Variants in MCF2L observed in about 807,000 individuals in gnomAD.
The protein encoded by MCF2L is MCF.2 cell line derived transforming sequence like, also known as guanine nucleotide exchange factor DBS.
MCF2L carries 97 observed loss-of-function variants against 153.4 expected under a neutral mutation model. That is an observed-to-expected ratio of 0.63 (90% confidence interval 0.54 to 0.75). MCF2L has a LOEUF of 0.75. Ranked by LOEUF, MCF2L falls within the 30% of genes least tolerant of loss-of-function variation. The pLI, the probability that MCF2L is intolerant of heterozygous loss-of-function variation, is 0.00. For synonymous variants in MCF2L, 659 were observed against 632.2 expected (o/e 1.04, Z -0.64); for missense variants, 1,347 against 1,495.2 (o/e 0.90, Z 1.64).
chr13:112,895,696 G>T (rs2140480617), intron 1 of MCF2L, among the ~76,000 whole-genome samples: 1 of 152,232 alleles, frequency 6.6e-6, no homozygotes. Context: ...GGACTCTGGG[G>T]CAAGCTGACA....
chr13:112,917,290 T>C (rs2081303895), intron 2 of MCF2L: 1 of 420,670 alleles, frequency 2.4e-6, no homozygotes, highest in Non-Finnish European at 4.8e-6. Flanking sequence ...CCATCCACCA[T>C]AGTTCACTGC....
chr13:112,929,286 G>A (rs1201311071), intron 2 of MCF2L, among the ~76,000 whole-genome samples: 2 of 152,164 alleles, frequency 1.3e-5, no homozygotes, highest in African/African-American at 4.8e-5. Flanking sequence ...TCCTGGATTC[G>A]TGGTTGTCCT....
At chr13:112,996,868 G>T (rs1181518679) in intron 1 of MCF2L, among the ~76,000 whole-genome samples, 1 of 152,228 alleles carries the variant, frequency 6.6e-6, no homozygotes, top group Non-Finnish European at 1.5e-5. Context: ...CTGAGCCCCT[G>T]CCTAGGATCC....
chr13:112,973,223 C>T (rs576075497), intron 1 of MCF2L, among the ~76,000 whole-genome samples: 2 of 152,166 alleles, frequency 1.3e-5, no homozygotes, highest in African/African-American at 4.8e-5. Context: ...CAGTGATTGG[C>T]GTCTCCTCAA....
At chr13:112,996,952 G>T (rs932827118) in intron 1 of MCF2L, among the ~76,000 whole-genome samples, 4 of 152,214 alleles carry the variant, frequency 2.6e-5, no homozygotes, top group Non-Finnish European at 5.9e-5. Context: ...GCAGCTGCTG[G>T]GCCAGTCCCG....
At chr13:113,060,561 T>A (rs2031220905) in intron 4 of MCF2L, 32 bp from the exon 5 acceptor site, 2 of 1,609,468 alleles carry the variant, frequency 1.2e-6, no homozygotes, top group Non-Finnish European at 1.7e-6. Flanking sequence ...CAGAGCACGC[T>A]GCAGGCCCTT....
chr13:112,976,611 C>T (rs373167121), intron 1 of MCF2L, among the ~76,000 whole-genome samples: 2 of 152,344 alleles, frequency 1.3e-5, no homozygotes, highest in East Asian at 3.9e-4. Context: ...GTCACCTGCA[C>T]CTCTGAGGCA....
At chr13:113,005,586 T>C (rs2141092689) in intron 1 of MCF2L, among the ~76,000 whole-genome samples, 1 of 151,976 alleles carries the variant, frequency 6.6e-6, no homozygotes, top group East Asian at 1.9e-4. Context: ...CCGTGGTCTG[T>C]TTGTGGTGAC....
intron 4 of MCF2L, among the ~76,000 whole-genome samples, chr13:113,052,238 AAAAG>A (rs1017258787): frequency 3.3e-5 from 5 of 152,308 alleles, no homozygotes; most frequent in African/African-American, 1.2e-4. Flanking sequence ...TAAACAGAGA[AAAAG>A]AAAGAGCTCT....
chr13:113,010,119 C>G (rs1440848063), intron 1 of MCF2L: 1 of 149,452 alleles, frequency 6.7e-6, no homozygotes, highest in Non-Finnish European at 1.5e-5. Context: ...CCCCATACCC[C>G]CCCCACCCGC....
Position 112,932,814 on chromosome 13 carries a change from T to C in MCF2L, c.169+30443T>C, listed in dbSNP as rs890422149. ...GGGAGGTCAACGCGGGTGGATCATC[T>C]GAGGTCAGGAGTTGAAGACCAGCCT... On this transcript the variant is annotated intron_variant, in intron 2 of 29. Transcript: ENST00000375608. This position sits in a 1 kb window ranked among gnomAD's most constrained non-coding sequence, Gnocchi z 4.6. Among the ~76,000 whole-genome samples the C allele has an allele frequency of 2.0e-5, 3 of 152,146 alleles. No homozygotes were observed. Among genetic ancestry groups the C allele is most frequent in the African/African-American group, 7.2e-5 (3 of 41,438 alleles).
intron 1 of MCF2L, among the ~76,000 whole-genome samples, chr13:112,982,650 A>AG (rs2082479118): frequency 2.0e-5 from 3 of 151,704 alleles, no homozygotes; most frequent in South Asian, 4.2e-4. Flanking sequence ...GTGCTGTGGG[A>AG]GGGGGGAGAC....
At chr13:112,938,039 G>A (rs1438199649) in intron 2 of MCF2L, among the ~76,000 whole-genome samples, 2 of 7,260 alleles carry the variant, frequency 2.8e-4, no homozygotes, top group Non-Finnish European at 6.4e-4. Flanking sequence ...GGTGAGCCCT[G>A]ATGGGCTGGT....
chr13:113,070,595 TCCTGCGGC>T lies in MCF2L; in HGVS notation c.996+426_996+433del, dbSNP rs1260822011. Among the ~76,000 whole-genome samples the T allele has an allele frequency of 9.2e-5, 14 of 152,122 alleles. No individual in the cohort carries two copies. Among genetic ancestry groups the T allele is most frequent in the African/African-American group, 2.4e-4 (10 of 41,406 alleles). ...GTGCAGCCAGACCCAGACGTCTCCC[TCCTGCGGC>T]CCTTCGTGGACTCACCCATGTCCCT... On this transcript the variant is annotated intron_variant, in intron 9 of 29. Coordinates refer to ENST00000535094, the MANE Select transcript of MCF2L (RefSeq NM_001112732.3). The surrounding 1 kb of genome is among the most constrained non-coding windows in gnomAD (Gnocchi z 5.6).
chr13:113,090,417 G>A (rs2035090555), intron 26 of MCF2L: 1 of 985,092 alleles, frequency 1.0e-6, no homozygotes, highest in South Asian at 4.7e-5. Context: ...GGCTTTCCAG[G>A]CCCCCTCCTT....
In MCF2L at chr13:113,014,756, C is replaced by T. The variant is rs769726942; in HGVS notation, c.80-7C>T. 37 of 1,611,336 alleles carry T rather than the reference C, an allele frequency of 2.3e-5. No homozygotes were observed. In the Admixed American group the frequency reaches 5.7e-4, roughly 25 times the overall value. On this transcript the variant is annotated splice_polypyrimidine_tract_variant and splice_region_variant and intron_variant, in intron 1 of 29. Coordinates refer to ENST00000535094, the MANE Select transcript of MCF2L (RefSeq NM_001112732.3). ...ACTGACACGTGCCGTCTGCTCTTTCCGTGCAGATGAAATCATGCACCAGGA... is the reference window on the plus strand; with the variant it reads ...ACTGACACGTGCCGTCTGCTCTTTCTGTGCAGATGAAATCATGCACCAGGA...
intron 5 of MCF2L, among the ~76,000 whole-genome samples, chr13:113,060,918 C>T (rs950020761): frequency 6.6e-6 from 1 of 151,900 alleles, no homozygotes; most frequent in African/African-American, 2.4e-5. Context: ...CCCCAGCCCC[C>T]ACCCCGCCAG....
chr13:112,918,450 G>A (rs1169410473), intron 2 of MCF2L, among the ~76,000 whole-genome samples: 1 of 152,208 alleles, frequency 6.6e-6, no homozygotes, highest in Non-Finnish European at 1.5e-5. Flanking sequence ...GCAAGTTGAG[G>A]GTGTGCAGGC....
rs1257843450 is a variant in MCF2L at position 113,045,436 on chromosome 13, G to A, written c.369+75G>A. ...CATGACCGCATGGTGCCCTTCCTCT[G>A]TGTCTGCCGCAGTTCCTGCTTTGTG... On this transcript the variant is annotated intron_variant, in intron 4 of 29. Coordinates refer to ENST00000535094, the MANE Select transcript of MCF2L (RefSeq NM_001112732.3). This position sits in a 1 kb window ranked among gnomAD's most constrained non-coding sequence, Gnocchi z 4.2. The A allele has an allele frequency of 7.9e-7, 1 of 1,266,546 alleles. No homozygotes were observed. The highest frequency in any genetic ancestry group is 1.2e-5 in the South Asian group (1 of 82,518). 78.5% of individuals were successfully genotyped at this position (1,266,546 alleles called of 1,614,324 possible).
Sources: allele counts gnomAD v4.1 joint callset (sites outside exome capture counted in the v4.1 genomes callset), GRCh38; gene constraint gnomAD v4.1.1; non-coding constraint Gnocchi (gnomAD v3.1); transcripts MANE v1.5; gene names NCBI Gene and HGNC (gene_info 2026-07-23, HGNC 2026-07-21).